BTNL8: variants seen among roughly 807,000 people sequenced by gnomAD.
BTNL8 encodes the protein butyrophilin like 8.
In BTNL8, 22 loss-of-function variants were observed where a neutral mutation model predicts 36.1. The ratio of observed to expected loss-of-function variants is 0.61; its 90% CI spans 0.44 to 0.87. The LOEUF is 0.87. Ranked by LOEUF, BTNL8 falls within the 40% of genes least tolerant of loss-of-function variation. The pLI is 0.00. For synonymous variants in BTNL8, 203 were observed against 235.6 expected (o/e 0.86, Z 1.27); for missense variants, 526 against 616.9 (o/e 0.85, Z 1.56).
chr5:180,911,642 G>A (rs1190764157), intron 3 of BTNL8, 28 bp downstream of exon 3: 2 of 1,580,010 alleles, frequency 1.3e-6, no homozygotes, highest in Non-Finnish European at 1.7e-6. Context: ...GAGAAGAGAA[G>A]GAGGGGTGGA....
chr5:180,916,431 G>GA (rs1348259364), intron 3 of BTNL8, among the ~76,000 whole-genome samples: 1 of 150,246 alleles, frequency 6.7e-6, no homozygotes, highest in Non-Finnish European at 1.5e-5. Flanking sequence ...ATTAGAAAAA[G>GA]AAAAAACTAA....
At chr5:180,926,437 A>G (rs1758105495) in intron 3 of BTNL8, among the ~76,000 whole-genome samples, 1 of 152,136 alleles carries the variant, frequency 6.6e-6, no homozygotes, top group Admixed American at 6.5e-5. Flanking sequence ...GGAGATTTTC[A>G]TACCCCAGTG....
At chr5:180,915,673 A>G (rs969079641) in intron 3 of BTNL8, among the ~76,000 whole-genome samples, 3 of 152,236 alleles carry the variant, frequency 2.0e-5, no homozygotes, top group African/African-American at 7.2e-5. Context: ...GATTCACAGC[A>G]CATTAAAAGA....
Position 180,899,204 on chromosome 5 carries a change from C to A in BTNL8, c.-107C>A. 2.2e-6 allele frequency: 3 copies of A among 1,373,116 alleles called. No individual in the cohort carries two copies. Among genetic ancestry groups the A allele is most frequent in the Non-Finnish European group, 3.1e-6 (3 of 967,032 alleles). The allele number at this position is 1,373,116 out of a possible 1,614,324, so 85.1% of individuals were successfully genotyped here. ...CCGCTCACGCAGAGCCTCTCCGTGG[C>A]TTCCGCACCTTGAGCATTAGGCCAG... On this transcript the variant is annotated 5_prime_UTR_variant, in exon 1 of 8. Transcript: ENST00000340184.
chr5:180,914,790 G>A (rs1219233120), intron 3 of BTNL8, among the ~76,000 whole-genome samples: 1 of 152,170 alleles, frequency 6.6e-6, no homozygotes, highest in African/African-American at 2.4e-5. Flanking sequence ...AGGAGTCTAG[G>A]AAGCCACTTG....
At chr5:180,927,401 C>G in intron 3 of BTNL8, among the ~76,000 whole-genome samples, 1 of 152,200 alleles carries the variant, frequency 6.6e-6, no homozygotes, top group East Asian at 1.9e-4. Context: ...CTGAAAATTC[C>G]TAAAACCAGA....
rs1022251043 is a variant in BTNL8, at chr5:180,950,434, G to C, written c.1393G>C (p.Glu465Gln). 15 of 1,463,624 alleles carry C rather than the reference G, an allele frequency of 1.0e-5. 3 individuals carry two copies. In the South Asian group the frequency reaches 1.2e-4, roughly 12 times the overall value. 90.7% of individuals were successfully genotyped at this position (1,463,624 alleles called of 1,614,324 possible). The part of the protein sequence containing the change: ...TPIVICPVTQ[E>Q]SEKEASWQRA... ...CATAGTCATCTGCCCAGTCACCCAGGAATCAGAGAAAGAGGCCTCTTGGCA... is the reference window on the plus strand; with the variant it reads ...CATAGTCATCTGCCCAGTCACCCAGCAATCAGAGAAAGAGGCCTCTTGGCA... Residue 465 changes from glutamate (E) to glutamine (Q), a missense_variant, in exon 8 of 8, where the codon GAA becomes CAA. Around this residue, in one of 2 missense-constraint regions of BTNL8, gnomAD observed 176 missense variants for 292.3 expected, o/e 0.60. Transcript: ENST00000340184.
intron 1 of BTNL8, 86 bp from the exon 2 acceptor site, chr5:180,908,500 C>T (rs931749894): frequency 1.2e-5 from 16 of 1,299,206 alleles, no homozygotes; most frequent in Admixed American, 4.5e-5. Context: ...AGCTGTAGAC[C>T]GGAGCTGTTC....
chr5:180,920,554 C>T (rs1757817360), intron 3 of BTNL8, among the ~76,000 whole-genome samples: 2 of 152,154 alleles, frequency 1.3e-5, no homozygotes, highest in South Asian at 2.1e-4. Flanking sequence ...TTCACCCTGA[C>T]ACCAAAAGCA....
intron 3 of BTNL8, among the ~76,000 whole-genome samples, chr5:180,929,103 T>A (rs1007866184): frequency 1.3e-5 from 2 of 152,270 alleles, no homozygotes; most frequent in East Asian, 3.9e-4. Context: ...ATGTAAATCA[T>A]AACAAACAGC....
chr5:180,922,701 A>G (rs1368440314), intron 3 of BTNL8, among the ~76,000 whole-genome samples: 2 of 151,326 alleles, frequency 1.3e-5, no homozygotes, highest in Non-Finnish European at 2.9e-5. Context: ...GTAGATGTCT[A>G]TGAGATCCAT....
At chr5:180,913,328 A>G (rs1757490945) in intron 3 of BTNL8, among the ~76,000 whole-genome samples, 1 of 152,188 alleles carries the variant, frequency 6.6e-6, no homozygotes, top group Non-Finnish European at 1.5e-5. Flanking sequence ...TTCCTGAGGC[A>G]GTCACCATGC....
At position 180,949,976 on chromosome 5, in the gene BTNL8, G is replaced by A; in HGVS notation, c.935G>A (p.Arg312Lys). ...CVSDLKTVTH[R>K]KAPQEVPHSE... is the part of the protein sequence containing the mutation. ...TCTGATCTGAAAACTGTAACCCATA[G>A]AAAAGCTCCCCAGGAGGTGCCTCAC... Residue 312 changes from arginine to lysine, a missense_variant, in exon 8 of 8, where the codon AGA (arginine) becomes AAA (lysine). Around this residue, in one of 2 missense-constraint regions of BTNL8, gnomAD observed 176 missense variants for 292.3 expected, o/e 0.60. Coordinates refer to ENST00000340184, the MANE Select transcript of BTNL8 (RefSeq NM_001040462.3). 1.4e-6 allele frequency: 2 copies of A among 1,462,342 alleles called. No individual in the cohort carries two copies. The highest frequency in any genetic ancestry group is 2.4e-5 in the East Asian group (1 of 40,886). 90.6% of individuals were successfully genotyped at this position (1,462,342 alleles called of 1,614,324 possible). A position where few individuals can be genotyped will look rare whatever the true frequency, so the allele number is the denominator to read the frequency against.
intron 1 of BTNL8, among the ~76,000 whole-genome samples, chr5:180,902,149 T>C (rs183960029): frequency 3.8e-4 from 58 of 151,850 alleles, no homozygotes; most frequent in Admixed American, 9.2e-4. Flanking sequence ...ACGTCAACTT[T>C]GGTTTTCAGC....
intron 3 of BTNL8, among the ~76,000 whole-genome samples, chr5:180,913,235 C>G (rs1177491327): frequency 1.3e-5 from 2 of 152,152 alleles, no homozygotes; most frequent in Non-Finnish European, 2.9e-5. Flanking sequence ...GTCTCAGTCT[C>G]TCTATGTCAA....
Position 180,908,315 on chromosome 5 carries a change from A to T in BTNL8, c.50-271A>T, listed in dbSNP as rs557605686. 2.5e-3 allele frequency among the ~76,000 whole-genome samples: 378 copies of T among 151,914 alleles called. 2 individuals carry two copies. Among genetic ancestry groups the T allele is most frequent in the African/African-American group, 8.9e-3 (367 of 41,434 alleles). ...CCCCTTTCTTTGACTCGGAAAGGGA[A>T]CTCCCTGACCCCTTGCGCTTCCCGA... On this transcript the variant is annotated intron_variant, in intron 1 of 7. Transcript: ENST00000340184.
intron 1 of BTNL8, chr5:180,902,508 C>CCT: frequency 9.3e-7 from 1 of 1,081,006 alleles, no homozygotes. Context: ...GTAGGTCACA[C>CCT]TATAAAGGGT....
rs544345419 is a variant in BTNL8, at chr5:180,943,361, C to T, written c.674-4151C>T. ...GGTTGGCCAGGCTGGTCTCTAACTCCTGACCTCAGGTGATCCATCCAGCCT... is the reference window on the plus strand; with the variant it reads ...GGTTGGCCAGGCTGGTCTCTAACTCTTGACCTCAGGTGATCCATCCAGCCT... On this transcript the variant is annotated intron_variant, in intron 3 of 7. Coordinates refer to ENST00000340184, the MANE Select transcript of BTNL8 (RefSeq NM_001040462.3). Among the ~76,000 whole-genome samples, 131 of 152,144 alleles carry T rather than the reference C, an allele frequency of 8.6e-4. 1 individual carries two copies. Among genetic ancestry groups the T allele is most frequent in the Middle Eastern group, 6.8e-3 (2 of 294 alleles).
In BTNL8 at chr5:180,915,878, G is replaced by A. The variant is rs567894374; in HGVS notation, c.673+4264G>A. 3.3e-5 allele frequency among the ~76,000 whole-genome samples: 5 copies of A among 152,322 alleles called. No individual in the cohort carries two copies. The South Asian group carries it at 1.0e-3, about 32-fold the overall frequency. On this transcript the variant is annotated intron_variant, in intron 3 of 7. Coordinates refer to ENST00000340184, the MANE Select transcript of BTNL8 (RefSeq NM_001040462.3). ...AACTTTCAATAAATTAGGTATAGAA[G>A]CAATGTAGCTCAACACAATAAAGGC...
Sources: gnomAD v4.1 joint callset for allele counts (sites outside exome capture counted in the v4.1 genomes callset) on GRCh38, gnomAD v4.1.1 for gene constraint, gnomAD v4.1.1 regional missense constraint, MANE v1.5 for transcripts, NCBI Gene and HGNC (gene_info 2026-07-23, HGNC 2026-07-21) for gene names.